The following MRPL13 variants were observed in gnomAD, a reference collection of about 807,000 sequenced individuals.
MRPL13 encodes the protein large ribosomal subunit protein uL13m.
In MRPL13, 33 loss-of-function variants were observed where a neutral mutation model predicts 29.0. That is an observed-to-expected ratio of 1.14 (90% CI 0.86 to 1.52). The LOEUF is 1.52. Ranked by LOEUF, MRPL13 falls within the 40% of genes most tolerant of loss-of-function variation. The pLI, the probability that MRPL13 is intolerant of heterozygous loss-of-function variation, is 0.00. For missense variants in MRPL13, 227 were observed against 216.7 expected (o/e 1.05, Z -0.30); for synonymous variants, 77 against 68.4 (o/e 1.13, Z -0.62).
intron 6 of MRPL13, among the ~76,000 whole-genome samples, chr8:120,406,366 G>C (rs1466737021): frequency 6.6e-6 from 1 of 152,160 alleles, no homozygotes; most frequent in Non-Finnish European, 1.5e-5. Context: ...CCCAAAACAT[G>C]AATTTATCAC....
At position 120,414,128 on chromosome 8, in the gene MRPL13, AT is replaced by A; in HGVS notation, c.394-17del. On this transcript the variant is annotated splice_polypyrimidine_tract_variant and intron_variant, in intron 5 of 6. Transcript: ENST00000306185. ...CTGGAATATACTACATTAAAAAAAAATTTAGACTTAATTTTCTTAAAATATC... is the reference window on the plus strand; with the variant it reads ...CTGGAATATACTACATTAAAAAAAAATTAGACTTAATTTTCTTAAAATATC... 1 of 1,481,990 alleles carries A rather than the reference AT, an allele frequency of 6.7e-7. No homozygotes were observed. The highest frequency in any genetic ancestry group is 9.0e-7 in the Non-Finnish European group (1 of 1,115,258). The allele number at this position is 1,481,990 out of a possible 1,614,324, so 91.8% of individuals were successfully genotyped here.
At chr8:120,396,158 A>G in intron 6 of MRPL13, 33 bp from the exon 7 acceptor site, 2 of 1,520,554 alleles carry the variant, frequency 1.3e-6, no homozygotes, top group Admixed American at 1.8e-5. Context: ...TTCTTCATGA[A>G]TCATTATTTT....
In MRPL13 at chr8:120,445,120, T is replaced by A. The variant is rs1563779789; in HGVS notation, c.-26A>T. The A allele has an allele frequency of 1.2e-6, 2 of 1,613,646 alleles. No homozygotes were observed. The highest frequency in any genetic ancestry group is 1.3e-5 in the African/African-American group (1 of 74,862). On this transcript the variant is annotated 5_prime_UTR_variant, in exon 1 of 7. Transcript: ENST00000306185. ...ATTCCTCTACTAGCAGGACCGTACG[T>A]CCTTCTCCTAGTAGCCACGCCGGGT...
intron 5 of MRPL13, among the ~76,000 whole-genome samples, chr8:120,417,159 C>T (rs1420945324): frequency 2.0e-5 from 3 of 152,120 alleles, no homozygotes; most frequent in Non-Finnish European, 4.4e-5. Context: ...GCATTACTGA[C>T]AAGAGGCCAT....
At chr8:120,405,962 T>C (rs1812662510) in intron 6 of MRPL13, among the ~76,000 whole-genome samples, 1 of 152,222 alleles carries the variant, frequency 6.6e-6, no homozygotes, top group South Asian at 2.1e-4. Flanking sequence ...GGATGATAGG[T>C]GAATGTATAT....
intron 2 of MRPL13, among the ~76,000 whole-genome samples, chr8:120,442,628 T>G (rs1813136815): frequency 6.6e-6 from 1 of 152,122 alleles, no homozygotes; most frequent in Admixed American, 6.5e-5. Flanking sequence ...GGCCATGAAG[T>G]GCTGGGGTAA....
intron 3 of MRPL13, among the ~76,000 whole-genome samples, chr8:120,426,190 T>A (rs1239598135): frequency 6.6e-6 from 1 of 152,106 alleles, no homozygotes; most frequent in Non-Finnish European, 1.5e-5. Flanking sequence ...GGTTCTATTT[T>A]CCTAAACAGA....
At chr8:120,443,391 TATC>T (rs1177708443) in intron 1 of MRPL13, 83 bp from the exon 2 acceptor site, 6 of 1,184,106 alleles carry the variant, frequency 5.1e-6, no homozygotes, top group African/African-American at 4.7e-5. Flanking sequence ...TTAAATTTAT[TATC>T]ATATATCATC....
At chr8:120,413,249 C>A (rs1486395708) in intron 6 of MRPL13, among the ~76,000 whole-genome samples, 1 of 152,220 alleles carries the variant, frequency 6.6e-6, no homozygotes, top group South Asian at 2.1e-4. Flanking sequence ...ATTTGTCCAG[C>A]ACCATGCTCA....
intron 6 of MRPL13, 127 bp downstream of exon 6, chr8:120,413,864 G>C: frequency 8.3e-7 from 1 of 1,202,394 alleles, no homozygotes; most frequent in East Asian, 2.9e-5. Flanking sequence ...GGTAGTAGCT[G>C]CTGAGTTCCC....
At chr8:120,421,521 G>A (rs1000585508) in intron 4 of MRPL13, among the ~76,000 whole-genome samples, 4 of 151,846 alleles carry the variant, frequency 2.6e-5, no homozygotes, top group African/African-American at 9.6e-5. Flanking sequence ...ATGTCTACTG[G>A]CAGAGGCCTA....
intron 3 of MRPL13, among the ~76,000 whole-genome samples, chr8:120,431,536 C>T (rs1006013764): frequency 6.6e-6 from 1 of 152,114 alleles, no homozygotes; most frequent in African/African-American, 2.4e-5. Flanking sequence ...AAGAAAAGTT[C>T]TATTGCAACA....
chr8:120,404,597 G>GT (rs1269629452), intron 6 of MRPL13, among the ~76,000 whole-genome samples: 2 of 152,162 alleles, frequency 1.3e-5, no homozygotes, highest in African/African-American at 4.8e-5. Flanking sequence ...CTACTACAAT[G>GT]TTTCTCTAAT....
At chr8:120,408,135 TAAATA>T (rs1430799856) in intron 6 of MRPL13, among the ~76,000 whole-genome samples, 2 of 152,206 alleles carry the variant, frequency 1.3e-5, no homozygotes, top group African/African-American at 4.8e-5. Flanking sequence ...AACATACATT[TAAATA>T]AAATGTTTTT....
intron 3 of MRPL13, among the ~76,000 whole-genome samples, chr8:120,426,956 T>C (rs2130474691): frequency 6.6e-6 from 1 of 152,172 alleles, no homozygotes; most frequent in Non-Finnish European, 1.5e-5. Flanking sequence ...GATGTGAAAG[T>C]TCAAGGTGCA....
intron 6 of MRPL13, among the ~76,000 whole-genome samples, chr8:120,410,616 A>G (rs1343810245): frequency 6.6e-6 from 1 of 152,190 alleles, no homozygotes; most frequent in African/African-American, 2.4e-5. Flanking sequence ...ATTCACTAAC[A>G]CGTAATTTTA....
At chr8:120,441,384 G>A (rs1813122187) in intron 2 of MRPL13, among the ~76,000 whole-genome samples, 1 of 152,106 alleles carries the variant, frequency 6.6e-6, no homozygotes. Flanking sequence ...CATGAGAAGA[G>A]GTTCAAGGAC....
At chr8:120,408,096 T>C (rs1030154123) in intron 6 of MRPL13, among the ~76,000 whole-genome samples, 3 of 152,230 alleles carry the variant, frequency 2.0e-5, no homozygotes, top group Admixed American at 6.5e-5. Context: ...TCCTAGGCAC[T>C]GTAGCACCAT....
At chr8:120,438,228 A>G (rs1449143608) in intron 2 of MRPL13, among the ~76,000 whole-genome samples, 1 of 152,034 alleles carries the variant, frequency 6.6e-6, no homozygotes, top group Admixed American at 6.6e-5. Context: ...GCTGGGTATG[A>G]TGGTACACGC....
Sources: gnomAD v4.1 joint callset for allele counts (sites outside exome capture counted in the v4.1 genomes callset) on GRCh38, gnomAD v4.1.1 for gene constraint, MANE v1.5 for transcripts, NCBI Gene and HGNC (gene_info 2026-07-23, HGNC 2026-07-21) for gene names.